Variants in KIF15 observed in about 807,000 individuals in gnomAD.
KIF15 encodes the protein kinesin-like protein KIF15.
A neutral mutation model predicts 190.6 loss-of-function variants in KIF15; 140 were observed. The observed-to-expected ratio is 0.73, with a 90% CI of 0.64 to 0.84. The LOEUF is 0.84. Among genes scored for constraint, KIF15 ranks in the 40% least tolerant of loss-of-function variants. KIF15 has a pLI of 0.00. For missense variants in KIF15, 1,372 were observed against 1,584.4 expected (o/e 0.87, Z 2.28); for synonymous variants, 528 against 551.3 (o/e 0.96, Z 0.59).
At chr3:44,808,916 G>C (rs577966191) in intron 16 of KIF15, among the ~76,000 whole-genome samples, 1 of 152,286 alleles carries the variant, frequency 6.6e-6, no homozygotes, top group African/African-American at 2.4e-5. Context: ...CATATTAACT[G>C]GTACCTACCT....
chr3:44,807,133 G>T (rs1170100645), intron 16 of KIF15, among the ~76,000 whole-genome samples: 1 of 152,156 alleles, frequency 6.6e-6, no homozygotes, highest in African/African-American at 2.4e-5. Flanking sequence ...TATTTATAAT[G>T]ATTATTTTTA....
In KIF15 at chr3:44,843,042, A is replaced by G. The variant is rs561933951; in HGVS notation, c.3586-83A>G. 4.0e-4 allele frequency: 367 copies of G among 908,040 alleles called. 3 individuals carry two copies. Among genetic ancestry groups the G allele is most frequent in the South Asian group, 1.7e-3 (104 of 61,266 alleles). The allele number at this position is 908,040 out of a possible 1,614,324, so 56.2% of individuals were successfully genotyped here. ...CTGCATAGGAACTTAAAAGAGGAAT[A>G]CCTGTCTCAGTGGTGGCCTTGGGGA... On this transcript the variant is annotated intron_variant, in intron 29 of 34. Coordinates refer to ENST00000326047, the MANE Select transcript of KIF15 (RefSeq NM_020242.3).
At chr3:44,793,291 A>G (rs578117091) in intron 7 of KIF15, among the ~76,000 whole-genome samples, 4 of 152,180 alleles carry the variant, frequency 2.6e-5, no homozygotes, top group Admixed American at 6.5e-5. Flanking sequence ...ACTTTCATGT[A>G]TCCTGCTTGC....
intron 4 of KIF15, 73 bp downstream of exon 4, chr3:44,778,264 C>T: frequency 8.4e-7 from 1 of 1,185,968 alleles, no homozygotes; most frequent in Non-Finnish European, 1.3e-6. Context: ...TAACAAATTA[C>T]CACAAACGTA....
intron 8 of KIF15, among the ~76,000 whole-genome samples, chr3:44,796,920 G>A (rs1363041643): frequency 6.6e-6 from 1 of 151,988 alleles, no homozygotes; most frequent in African/African-American, 2.4e-5. Flanking sequence ...CACTACTCTA[G>A]CTTTTTTTTC....
chr3:44,808,867 T>C (rs935049641), intron 16 of KIF15, among the ~76,000 whole-genome samples: 1 of 152,228 alleles, frequency 6.6e-6, no homozygotes, highest in African/African-American at 2.4e-5. Context: ...TGAAGCACCA[T>C]GAGGGATATC....
At chr3:44,775,138 TG>T (rs1346314945) in intron 2 of KIF15, 115 bp from the exon 3 acceptor site, 2 of 802,088 alleles carry the variant, frequency 2.5e-6, no homozygotes, top group Non-Finnish European at 4.0e-6. Context: ...GGATATGTCT[TG>T]GGCTTTGTTG....
At chr3:44,836,458 A>G (rs188090612) in intron 26 of KIF15, among the ~76,000 whole-genome samples, 1 of 152,318 alleles carries the variant, frequency 6.6e-6, no homozygotes, top group East Asian at 1.9e-4. Flanking sequence ...TGATATAAAG[A>G]TTAGAACTCA....
intron 26 of KIF15, among the ~76,000 whole-genome samples, chr3:44,834,357 T>C (rs1328040553): frequency 6.6e-6 from 1 of 152,194 alleles, no homozygotes; most frequent in Non-Finnish European, 1.5e-5. Flanking sequence ...GTGACTGTTA[T>C]TTGCAGATGG....
At chr3:44,864,423 C>G in intron 6 of KIF15, 1 of 1,570,694 alleles carries the variant, frequency 6.4e-7, no homozygotes, top group Non-Finnish European at 8.7e-7. Context: ...CCTCCTTTCC[C>G]AGACAGGAGA....
intron 16 of KIF15, among the ~76,000 whole-genome samples, chr3:44,806,849 G>A (rs1319246870): frequency 2.6e-5 from 4 of 152,178 alleles, no homozygotes; most frequent in Middle Eastern, 3.4e-3. Context: ...AGGTTCAAGC[G>A]ATTCTCCTGC....
Position 44,777,989 on chromosome 3 carries a change from C to T in KIF15, c.247-126C>T, listed in dbSNP as rs548328526. On this transcript the variant is annotated intron_variant, in intron 3 of 34. Coordinates refer to ENST00000326047, the MANE Select transcript of KIF15 (RefSeq NM_020242.3). ...GTTGAATCATCTTAGATAGTTTAGCCTTTTTTCTGTAGTGGATGTTATCCA... is the reference window on the plus strand; with the variant it reads ...GTTGAATCATCTTAGATAGTTTAGCTTTTTTTCTGTAGTGGATGTTATCCA... 11 of 734,576 alleles carry T rather than the reference C, an allele frequency of 1.5e-5. No individual in the cohort carries two copies. The South Asian group carries it at 1.7e-4, about 11-fold the overall frequency. The allele number at this position is 734,576 out of a possible 1,614,324, so 45.5% of individuals were successfully genotyped here.
At chr3:44,855,728 G>A (rs1461108995), downstream of KIF15, among the ~76,000 whole-genome samples, 1 of 152,076 alleles carries the variant, frequency 6.6e-6, no homozygotes, top group Non-Finnish European at 1.5e-5. Flanking sequence ...TATTGGTGAT[G>A]GCCTGGATGT....
Position 44,852,318 on chromosome 3 carries a change from G to C in KIF15, c.4083G>C (p.Lys1361Asn). The change falls in exon 34 of 35, where the codon AAG (lysine) becomes AAC (asparagine). Residue 1361 changes from lysine (K) to asparagine (N), a missense_variant. By Grantham distance (94) the Lys-to-Asn change is moderately conservative (BLOSUM62 0). Transcript: ENST00000326047. ...QKIQYVVRLKKENVRLAEETE... is the reference protein window; with the variant it reads ...QKIQYVVRLKNENVRLAEETE... ...TTCAGTACGTAGTGCGACTAAAGAA[G>C]GAAAATGTCAGGCTTGCTGAGGTAA... The C allele has an allele frequency of 1.2e-6, 2 of 1,609,792 alleles. No individual in the cohort carries two copies. The highest frequency in any genetic ancestry group is 4.5e-5 in the East Asian group (2 of 44,816).
intron 1 of KIF15, among the ~76,000 whole-genome samples, chr3:44,767,017 A>G (rs1705416507): frequency 6.6e-6 from 1 of 151,880 alleles, no homozygotes; most frequent in Non-Finnish European, 1.5e-5. Flanking sequence ...TCACCGTGTT[A>G]GCCAGGGTGG....
At chr3:44,847,179 T>C (rs901905366) in intron 30 of KIF15, among the ~76,000 whole-genome samples, 1 of 152,200 alleles carries the variant, frequency 6.6e-6, no homozygotes, top group Non-Finnish European at 1.5e-5. Flanking sequence ...CCAGATTTGT[T>C]AAGGGAAAGA....
intron 17 of KIF15, 117 bp downstream of exon 17, chr3:44,811,160 T>G: frequency 1.4e-6 from 1 of 718,704 alleles, no homozygotes; most frequent in Non-Finnish European, 2.2e-6. Flanking sequence ...TAAAATCATA[T>G]CTTTTTAAGT....
chr3:44,840,534 A>G (rs1698540291), intron 28 of KIF15, 78 bp downstream of exon 28: 2 of 913,768 alleles, frequency 2.2e-6, no homozygotes, highest in Non-Finnish European at 1.7e-6. Context: ...TAGGAAGAAC[A>G]TACCTTTGTC....
chr3:44,796,341 A>G (rs1706975612), intron 8 of KIF15, among the ~76,000 whole-genome samples: 1 of 152,216 alleles, frequency 6.6e-6, no homozygotes, highest in South Asian at 2.1e-4. Context: ...CCTGGGTGAC[A>G]GAGTGAGACT....
Sources: allele counts gnomAD v4.1 joint callset (sites outside exome capture counted in the v4.1 genomes callset), GRCh38; gene constraint gnomAD v4.1.1; transcripts MANE v1.5; gene names NCBI Gene and HGNC (gene_info 2026-07-23, HGNC 2026-07-21).